AGR3: variants seen among roughly 807,000 people sequenced by gnomAD.
AGR3 encodes the protein anterior gradient 3, protein disulphide isomerase family member, also known as anterior gradient protein 3.
Under a neutral mutation model 24.5 loss-of-function variants are expected in AGR3, and 37 were observed. That is an observed-to-expected ratio of 1.51 (90% CI 1.16 to 1.99). AGR3 has a LOEUF of 1.99. Ranked by LOEUF, AGR3 falls within the 30% of genes most tolerant of loss-of-function variation. The pLI is 0.00. For synonymous variants in AGR3, 75 were observed against 61.6 expected (o/e 1.22, Z -1.02); for missense variants, 228 against 191.1 (o/e 1.19, Z -1.14).
At chr7:16,862,290 T>C (rs570858617) in intron 4 of AGR3, among the ~76,000 whole-genome samples, 1 of 152,300 alleles carries the variant, frequency 6.6e-6, no homozygotes, top group African/African-American at 2.4e-5. Context: ...GTTTTTATAA[T>C]TTTATGTAAC....
chr7:16,869,148 C>G (rs990425344), intron 3 of AGR3, among the ~76,000 whole-genome samples: 8 of 152,094 alleles, frequency 5.3e-5, no homozygotes, highest in African/African-American at 1.9e-4. Context: ...GTTGAAGTCC[C>G]TTACTATTAT....
chr7:16,867,338 T>C (rs569726813), intron 3 of AGR3, among the ~76,000 whole-genome samples: 22 of 152,166 alleles, frequency 1.4e-4, no homozygotes, highest in Non-Finnish European at 2.8e-4. Flanking sequence ...CTGTAGTATC[T>C]ATCTATCTAT....
chr7:16,871,395 C>CTTT (rs576035274), intron 3 of AGR3, among the ~76,000 whole-genome samples: 1 of 151,832 alleles, frequency 6.6e-6, no homozygotes, highest in Non-Finnish European at 1.5e-5. Flanking sequence ...AACTAAAATG[C>CTTT]TTTTTTTTGA....
chr7:16,880,291 C>T (rs894529919), intron 1 of AGR3, among the ~76,000 whole-genome samples: 2 of 150,990 alleles, frequency 1.3e-5, no homozygotes, highest in Admixed American at 6.6e-5. Context: ...TTCCCAAGTA[C>T]GTGGGACTAC....
rs756773153 is a variant in AGR3, at chr7:16,865,489, TG to T, written c.174-2828del. On this transcript the variant is annotated intron_variant, in intron 3 of 7. Transcript: ENST00000310398. Reference sequence around the variant, plus strand: ...GTAGAATGCTCTTCCCGAATTTCTTTGGGGAACAAGAAACTTTGATTATTTT... The same window carrying T: ...GTAGAATGCTCTTCCCGAATTTCTTTGGGAACAAGAAACTTTGATTATTTT... 1.4e-3 allele frequency: 988 copies of T among 729,812 alleles called. 9 individuals carry two copies. The highest frequency in any genetic ancestry group is 0.011 in the Middle Eastern group (27 of 2,482). 45.2% of individuals were successfully genotyped at this position (729,812 alleles called of 1,614,324 possible).
intron 1 of AGR3, among the ~76,000 whole-genome samples, chr7:16,881,466 A>G (rs1305600486): frequency 1.3e-5 from 2 of 152,198 alleles, no homozygotes. Flanking sequence ...ACTTGGGGGA[A>G]CACAGATAAA....
At chr7:16,871,902 G>A (rs1465803790) in intron 3 of AGR3, among the ~76,000 whole-genome samples, 1 of 152,064 alleles carries the variant, frequency 6.6e-6, no homozygotes, top group African/African-American at 2.4e-5. Flanking sequence ...AACCAAGGAG[G>A]TGAAAGATCC....
chr7:16,862,584 A>C, intron 4 of AGR3, 26 bp downstream of exon 4: 1 of 1,407,274 alleles, frequency 7.1e-7, no homozygotes, highest in African/African-American at 1.5e-5. Flanking sequence ...TATATATTAT[A>C]ATAAGATATC....
At chr7:16,880,946 GA>G (rs893428986) in intron 1 of AGR3, among the ~76,000 whole-genome samples, 3 of 152,110 alleles carry the variant, frequency 2.0e-5, no homozygotes, top group Non-Finnish European at 4.4e-5. Context: ...CTGAGCTACA[GA>G]AGGCTCAAAA....
chr7:16,881,718 C>A (rs537250902), intron 1 of AGR3, among the ~76,000 whole-genome samples: 1 of 152,054 alleles, frequency 6.6e-6, no homozygotes, highest in Non-Finnish European at 1.5e-5. Flanking sequence ...TTCAAAGAGT[C>A]GTTTTTGTGG....
intron 3 of AGR3, chr7:16,865,159 C>T (rs1265073829): frequency 1.4e-6 from 1 of 740,692 alleles, no homozygotes; most frequent in African/African-American, 1.8e-5. Flanking sequence ...GTAGCTTGGA[C>T]CTCTTGACTT....
chr7:16,864,108 C>T (rs1781702852), intron 3 of AGR3, among the ~76,000 whole-genome samples: 1 of 152,136 alleles, frequency 6.6e-6, no homozygotes, highest in Admixed American at 6.5e-5. Flanking sequence ...TTCAAGGTGA[C>T]AGAAGAGTTA....
At chr7:16,870,734 C>T (rs1781848965) in intron 3 of AGR3, among the ~76,000 whole-genome samples, 2 of 151,846 alleles carry the variant, frequency 1.3e-5, no homozygotes, top group African/African-American at 4.8e-5. Flanking sequence ...TCTGGCATTC[C>T]CAGGCTAAAT....
chr7:16,871,477 A>G (rs541300487), intron 3 of AGR3, among the ~76,000 whole-genome samples: 1 of 152,314 alleles, frequency 6.6e-6, no homozygotes, highest in South Asian at 2.1e-4. Flanking sequence ...AACATGCAAA[A>G]CCAGTAGCAT....
chr7:16,879,160 G>A (rs551282494), intron 1 of AGR3, among the ~76,000 whole-genome samples: 3 of 152,274 alleles, frequency 2.0e-5, no homozygotes, highest in African/African-American at 4.8e-5. Flanking sequence ...GAGGATTCTT[G>A]TCCTTCAGTT....
intron 3 of AGR3, among the ~76,000 whole-genome samples, chr7:16,871,237 T>C (rs549758235): frequency 6.6e-6 from 1 of 152,336 alleles, no homozygotes; most frequent in South Asian, 2.1e-4. Flanking sequence ...CTGCTTTGTT[T>C]ATACAACATA....
At chr7:16,863,608 C>G (rs1363181668) in intron 3 of AGR3, among the ~76,000 whole-genome samples, 2 of 151,926 alleles carry the variant, frequency 1.3e-5, no homozygotes, top group Admixed American at 6.6e-5. Flanking sequence ...TGTATATACC[C>G]AGATGCATGT....
chr7:16,876,990 G>T (rs535230850), intron 2 of AGR3, among the ~76,000 whole-genome samples: 47 of 152,110 alleles, frequency 3.1e-4, no homozygotes, highest in Non-Finnish European at 4.7e-4. Flanking sequence ...TATACAGAGA[G>T]ATAGAGTTAT....
At chr7:16,867,251 A>G (rs1160442237) in intron 3 of AGR3, among the ~76,000 whole-genome samples, 1 of 152,156 alleles carries the variant, frequency 6.6e-6, no homozygotes, top group Non-Finnish European at 1.5e-5. Flanking sequence ...ATGACTATCA[A>G]CTTCTGACAC....
Sources: allele counts gnomAD v4.1 joint callset (sites outside exome capture counted in the v4.1 genomes callset), GRCh38; gene constraint gnomAD v4.1.1; transcripts MANE v1.5; gene names NCBI Gene and HGNC (gene_info 2026-07-23, HGNC 2026-07-21).